Variants in TTC28 observed in about 807,000 individuals in gnomAD.
The protein encoded by TTC28 is tetratricopeptide repeat domain 28, also known as tetratricopeptide repeat protein 28.
A neutral mutation model predicts 198.0 loss-of-function variants in TTC28; 61 were observed. The ratio of observed to expected loss-of-function variants is 0.31; its 90% CI spans 0.25 to 0.38. The LOEUF (loss-of-function observed/expected upper bound fraction) is 0.38. Among genes scored for constraint, TTC28 ranks in the 10% least tolerant of loss-of-function variants. The pLI is 1.00. For synonymous variants in TTC28, 1,171 were observed against 1,297.8 expected, an observed-to-expected ratio of 0.90 and a Z score of 2.10; for missense variants, 2,678 against 3,164.0, an observed-to-expected ratio of 0.85 and a Z score of 3.69.
intron 2 of TTC28, among the ~76,000 whole-genome samples, chr22:28,469,981 A>T (rs994313069): frequency 7.2e-5 from 11 of 152,100 alleles, no homozygotes; most frequent in Non-Finnish European, 1.3e-4. Context: ...GACTATAGGC[A>T]TGTACCACCA....
chr22:28,384,343 C>T (rs2046541463), intron 2 of TTC28, among the ~76,000 whole-genome samples: 1 of 152,124 alleles, frequency 6.6e-6, no homozygotes, highest in Non-Finnish European at 1.5e-5. Flanking sequence ...TTGCCTTGGC[C>T]ACCCAAAAGA....
At chr22:28,515,681 CCAG>C (rs200207946) in intron 2 of TTC28, among the ~76,000 whole-genome samples, 2,255 of 152,162 alleles carry the variant, frequency 0.015, 98 homozygotes, top group Admixed American at 0.098. Context: ...GGGTGGGATA[CCAG>C]CTAGCCACTA....
chr22:28,594,966 G>A (rs1032540474), intron 2 of TTC28, among the ~76,000 whole-genome samples: 3 of 152,154 alleles, frequency 2.0e-5, no homozygotes, highest in Admixed American at 1.3e-4. Context: ...TAATATCAGA[G>A]TGAATAGACA....
intron 14 of TTC28, among the ~76,000 whole-genome samples, chr22:28,009,100 G>T (rs1938035769): frequency 6.6e-6 from 1 of 152,172 alleles, no homozygotes; most frequent in Non-Finnish European, 1.5e-5. Flanking sequence ...TTTGATGATG[G>T]CTCATGTGCA....
intron 2 of TTC28, among the ~76,000 whole-genome samples, chr22:28,445,639 G>A (rs892968877): frequency 5.9e-5 from 9 of 152,028 alleles, no homozygotes; most frequent in African/African-American, 2.2e-4. Context: ...CCCAGAACAT[G>A]CCAACCATAC....
chr22:28,106,927 T>C, intron 7 of TTC28, 135 bp downstream of exon 7: 1 of 1,165,076 alleles, frequency 8.6e-7, no homozygotes, highest in Non-Finnish European at 1.2e-6. Context: ...CAAACAGTTG[T>C]TGGAGGAATC....
chr22:28,073,287 G>A (rs1941057174), intron 12 of TTC28, among the ~76,000 whole-genome samples: 1 of 152,194 alleles, frequency 6.6e-6, no homozygotes, highest in South Asian at 2.1e-4. Flanking sequence ...TGAGTTTGAG[G>A]TGAATTCCAA....
At chr22:28,305,301 TATTAAC>T (rs1171909782) in intron 3 of TTC28, among the ~76,000 whole-genome samples, 2 of 152,124 alleles carry the variant, frequency 1.3e-5, no homozygotes, top group Non-Finnish European at 2.9e-5. Flanking sequence ...AGTCAGAGTT[TATTAAC>T]AGCAGGTCCC....
chr22:28,211,253 T>C (rs927289749), intron 5 of TTC28, among the ~76,000 whole-genome samples: 4 of 152,144 alleles, frequency 2.6e-5, no homozygotes, highest in Non-Finnish European at 5.9e-5. Context: ...GCTAGCATCA[T>C]AATGACAGGA....
chr22:28,461,455 G>A (rs775573512), intron 2 of TTC28, among the ~76,000 whole-genome samples: 1 of 144,958 alleles, frequency 6.9e-6, no homozygotes, highest in African/African-American at 2.6e-5. Flanking sequence ...TTTTTCTTTT[G>A]AGACGAAGTC....
rs549197485 is a variant in TTC28, at chr22:28,169,751, C to T, written c.934-6152G>A. ...CGAGTTAATGGGTGCAGCACACCAACATGGCACATGTATACATATGTAAGG... is the reference window on the plus strand; with the variant it reads ...CGAGTTAATGGGTGCAGCACACCAATATGGCACATGTATACATATGTAAGG... On this transcript the variant is annotated intron_variant, in intron 5 of 22. Transcript: ENST00000397906. 1.2e-4 allele frequency among the ~76,000 whole-genome samples: 18 copies of T among 152,124 alleles called. No homozygotes were observed. In the South Asian group the frequency reaches 2.3e-3, roughly 19 times the overall value.
chr22:28,145,520 G>GT (rs1569161596), intron 6 of TTC28, among the ~76,000 whole-genome samples: 1 of 152,052 alleles, frequency 6.6e-6, no homozygotes, highest in African/African-American at 2.4e-5. Flanking sequence ...CCTGGTCAGC[G>GT]TTTTGATTTG....
intron 2 of TTC28, among the ~76,000 whole-genome samples, chr22:28,461,012 TAC>T (rs2047942467): frequency 6.6e-6 from 1 of 152,200 alleles, no homozygotes; most frequent in African/African-American, 2.4e-5. Context: ...CTGTATAATC[TAC>T]AAAATACAAT....
At chr22:28,028,286 C>T (rs1287690793) in intron 13 of TTC28, among the ~76,000 whole-genome samples, 2 of 152,186 alleles carry the variant, frequency 1.3e-5, no homozygotes, top group Non-Finnish European at 1.5e-5. Flanking sequence ...GGGCTGGGCA[C>T]AATACTCAGC....
At chr22:28,177,150 T>C (rs1391257378) in intron 5 of TTC28, among the ~76,000 whole-genome samples, 2 of 152,024 alleles carry the variant, frequency 1.3e-5, no homozygotes, top group South Asian at 2.1e-4. Flanking sequence ...ATATCAAAAA[T>C]ATAAAAGCTC....
intron 5 of TTC28, among the ~76,000 whole-genome samples, chr22:28,254,132 C>CT (rs1425365935): frequency 6.6e-6 from 1 of 150,798 alleles, no homozygotes; most frequent in Non-Finnish European, 1.5e-5. Flanking sequence ...AAAAAAGAAT[C>CT]TGAGTTTTGA....
intron 5 of TTC28, among the ~76,000 whole-genome samples, chr22:28,224,627 C>T (rs1040865335): frequency 2.0e-5 from 3 of 152,050 alleles, no homozygotes; most frequent in Non-Finnish European, 4.4e-5. Flanking sequence ...TGTATTTGGT[C>T]CATGTGCACA....
chr22:27,986,371 A>G (rs1019619977), intron 21 of TTC28: 1 of 152,232 alleles, frequency 6.6e-6, no homozygotes, highest in African/African-American at 2.4e-5. Flanking sequence ...GAGTCAATTA[A>G]ACTTCCTTTC....
At chr22:28,635,920 C>G (rs1257353915) in intron 1 of TTC28, among the ~76,000 whole-genome samples, 1 of 151,954 alleles carries the variant, frequency 6.6e-6, no homozygotes, top group Non-Finnish European at 1.5e-5. Context: ...TATCTTATAG[C>G]TGAAGATTTG....
Sources: gnomAD v4.1 joint callset for allele counts (sites outside exome capture counted in the v4.1 genomes callset) on GRCh38, gnomAD v4.1.1 for gene constraint, MANE v1.5 for transcripts, NCBI Gene and HGNC (gene_info 2026-07-23, HGNC 2026-07-21) for gene names.